FAF1: variants seen among roughly 807,000 people sequenced by gnomAD.
FAF1 encodes Fas associated factor 1, also known as FAS-associated factor 1.
A neutral mutation model predicts 92.5 loss-of-function variants in FAF1; 25 were observed. The observed-to-expected ratio is 0.27, with a 90% CI of 0.20 to 0.38. The LOEUF is 0.38. FAF1 is among the 10% of genes least tolerant of loss of function. The pLI, the probability that FAF1 is intolerant of heterozygous loss-of-function variation, is 1.00. For missense variants in FAF1, 636 were observed against 793.3 expected, an observed-to-expected ratio of 0.80 and a Z score of 2.38; for synonymous variants, 234 against 273.2, an observed-to-expected ratio of 0.86 and a Z score of 1.42.
At chr1:50,871,729 A>G (rs1644529514) in intron 1 of FAF1, among the ~76,000 whole-genome samples, 1 of 152,232 alleles carries the variant, frequency 6.6e-6, no homozygotes, top group African/African-American at 2.4e-5. Flanking sequence ...AGAGATGTAC[A>G]AAGAGATCAA....
At chr1:50,518,884 C>G (rs1352882468) in intron 15 of FAF1, among the ~76,000 whole-genome samples, 1 of 152,148 alleles carries the variant, frequency 6.6e-6, no homozygotes, top group Non-Finnish European at 1.5e-5. Flanking sequence ...ACTTTGTATT[C>G]TTGACGGCAG....
chr1:50,594,858 T>C (rs1328714448), intron 9 of FAF1, among the ~76,000 whole-genome samples: 2 of 137,858 alleles, frequency 1.5e-5, no homozygotes, highest in Non-Finnish European at 3.1e-5. Context: ...GCAACAAGAG[T>C]GAAACCCCAT....
intron 6 of FAF1, among the ~76,000 whole-genome samples, chr1:50,723,686 A>G (rs1485224337): frequency 6.6e-6 from 1 of 152,066 alleles, no homozygotes; most frequent in East Asian, 1.9e-4. Flanking sequence ...GTGACATGGG[A>G]GAATCACTTG....
intron 8 of FAF1, among the ~76,000 whole-genome samples, chr1:50,631,271 T>A (rs1158431496): frequency 6.6e-6 from 1 of 152,182 alleles, no homozygotes; most frequent in Non-Finnish European, 1.5e-5. Context: ...TTATTCCCAA[T>A]TTAATATTTA....
chr1:50,839,581 C>T (rs900670258), intron 2 of FAF1, among the ~76,000 whole-genome samples: 4 of 152,098 alleles, frequency 2.6e-5, no homozygotes, highest in Admixed American at 6.5e-5. Flanking sequence ...TATGCTTTCA[C>T]AGGAAGCAAG....
At chr1:50,614,094 TG>T (rs1482167188) in intron 8 of FAF1, among the ~76,000 whole-genome samples, 1 of 151,026 alleles carries the variant, frequency 6.6e-6, no homozygotes, top group African/African-American at 2.4e-5. Context: ...AGACTCTGTC[TG>T]AAAAAAAAAG....
At chr1:50,742,249 G>GGCA (rs1659416968) in intron 5 of FAF1, among the ~76,000 whole-genome samples, 1 of 152,050 alleles carries the variant, frequency 6.6e-6, no homozygotes, top group Non-Finnish European at 1.5e-5. Flanking sequence ...AGGAGGTCAA[G>GGCA]GCAGCAATGA....
chr1:50,897,232 A>G (rs1428727973), intron 1 of FAF1, among the ~76,000 whole-genome samples: 2 of 152,216 alleles, frequency 1.3e-5, no homozygotes, highest in Admixed American at 6.5e-5. Flanking sequence ...GATGTCATCT[A>G]TGAATAACTC....
chr1:50,754,151 T>C (rs1659984244), intron 4 of FAF1, among the ~76,000 whole-genome samples: 1 of 152,168 alleles, frequency 6.6e-6, no homozygotes, highest in Admixed American at 6.5e-5. Context: ...CATCTTTGCG[T>C]GCCTGGTAAT....
intron 1 of FAF1, among the ~76,000 whole-genome samples, chr1:50,862,636 T>C (rs536954077): frequency 4.6e-5 from 7 of 152,054 alleles, no homozygotes; most frequent in Non-Finnish European, 1.0e-4. Context: ...AAATATCTGC[T>C]GTCTTCAAGA....
intron 7 of FAF1, among the ~76,000 whole-genome samples, chr1:50,699,586 A>G (rs1365869131): frequency 6.6e-6 from 1 of 152,150 alleles, no homozygotes; most frequent in South Asian, 2.1e-4. Flanking sequence ...GGTTCACACA[A>G]TAACAGCAAT....
At chr1:50,457,865 CAAAA>C (rs78520067) in intron 18 of FAF1, among the ~76,000 whole-genome samples, 2 of 59,436 alleles carry the variant, frequency 3.4e-5, no homozygotes, top group African/African-American at 6.2e-5. Flanking sequence ...ACCCTGTCTC[CAAAA>C]AAAAAAAAAA....
chr1:50,685,031 A>G (rs1372569960), intron 7 of FAF1, among the ~76,000 whole-genome samples: 2 of 152,242 alleles, frequency 1.3e-5, no homozygotes, highest in Non-Finnish European at 2.9e-5. Context: ...TATACGACAC[A>G]GAATTATAGA....
intron 2 of FAF1, among the ~76,000 whole-genome samples, chr1:50,810,146 T>C (rs988646258): frequency 1.3e-5 from 2 of 152,068 alleles, no homozygotes; most frequent in African/African-American, 4.8e-5. Context: ...TCCCAGCTAC[T>C]TGGGAGGCTG....
chr1:50,528,751 C>T (rs1300056927), intron 15 of FAF1, among the ~76,000 whole-genome samples: 2 of 152,024 alleles, frequency 1.3e-5, no homozygotes, highest in African/African-American at 4.8e-5. Context: ...GCCTCTTCTG[C>T]CTCCTCTTTC....
At chr1:50,928,396 T>A (rs1645022376) in intron 1 of FAF1, among the ~76,000 whole-genome samples, 1 of 152,214 alleles carries the variant, frequency 6.6e-6, no homozygotes, top group South Asian at 2.1e-4. Flanking sequence ...TGTCAAAGCA[T>A]TTCCAAAGCC....
chr1:50,843,091 T>C (rs79543493), intron 2 of FAF1, among the ~76,000 whole-genome samples: 3,084 of 152,286 alleles, frequency 0.02, 101 homozygotes, highest in African/African-American at 0.071. Context: ...GTGATGGAAA[T>C]AGAGATGTTA....
Position 50,929,672 on chromosome 1 carries a change from T to G in FAF1, c.45+30095A>C, listed in dbSNP as rs1371474205. Among the ~76,000 whole-genome samples, 3 of 152,224 alleles carry G rather than the reference T, an allele frequency of 2.0e-5. No individual in the cohort carries two copies. The East Asian group carries it at 5.8e-4, about 29-fold the overall frequency. ...TAATAAAACTGCCAAAAATATTCAT[T>G]GAATGTCTATCATGTGCCAGGCATA... On this transcript the variant is annotated intron_variant, in intron 1 of 18. Coordinates refer to ENST00000396153, the MANE Select transcript of FAF1 (RefSeq NM_007051.3).
Position 50,451,237 on chromosome 1 carries a change from T to G in FAF1, c.1870-9714A>C, listed in dbSNP as rs146520775. Reference sequence around the variant, plus strand: ...AAGGAAGAACAAGGGGAGAAAAGATTAAAGTAAGAGAGGAATAGAAATTGT... The same window carrying G: ...AAGGAAGAACAAGGGGAGAAAAGATGAAAGTAAGAGAGGAATAGAAATTGT... On this transcript the variant is annotated intron_variant, in intron 18 of 18. Coordinates refer to ENST00000396153, the MANE Select transcript of FAF1 (RefSeq NM_007051.3). Among the ~76,000 whole-genome samples, 1,287 of 152,306 alleles carry G rather than the reference T, an allele frequency of 8.5e-3. 12 individuals carry two copies. Among genetic ancestry groups the G allele is most frequent in the Non-Finnish European group, 0.012 (828 of 68,010 alleles).
Sources: allele counts gnomAD v4.1 joint callset (sites outside exome capture counted in the v4.1 genomes callset), GRCh38; gene constraint gnomAD v4.1.1; transcripts MANE v1.5; gene names NCBI Gene and HGNC (gene_info 2026-07-23, HGNC 2026-07-21).